Variants in FAM135A observed in about 807,000 individuals in gnomAD.
FAM135A encodes family with sequence similarity 135 member A.
FAM135A carries 79 observed loss-of-function variants against 146.8 expected under a neutral mutation model. The observed-to-expected ratio is 0.54, with a 90% CI of 0.45 to 0.65. The LOEUF (loss-of-function observed/expected upper bound fraction) is 0.65. Among genes scored for constraint, FAM135A ranks in the 30% least tolerant of loss-of-function variants. The pLI is 0.00. For synonymous variants in FAM135A, 562 were observed against 603.6 expected (o/e 0.93, Z 1.01); for missense variants, 1,623 against 1,758.2 (o/e 0.92, Z 1.38).
chr6:70,489,458 A>G (rs1785423414), intron 10 of FAM135A, among the ~76,000 whole-genome samples: 1 of 152,192 alleles, frequency 6.6e-6, no homozygotes, highest in African/African-American at 2.4e-5. Context: ...AGTTAACAAC[A>G]GAGTATTTGT....
chr6:70,446,386 C>T (rs1241422313), intron 4 of FAM135A, among the ~76,000 whole-genome samples: 2 of 152,192 alleles, frequency 1.3e-5, no homozygotes, highest in South Asian at 4.1e-4. Flanking sequence ...TTCAGACCAT[C>T]TGAACATAGT....
intron 12 of FAM135A, among the ~76,000 whole-genome samples, chr6:70,520,312 A>G (rs1298284961): frequency 6.6e-6 from 1 of 152,192 alleles, no homozygotes; most frequent in African/African-American, 2.4e-5. Flanking sequence ...AAGGACGTAA[A>G]AAACATTTGT....
rs547528924 is a variant in FAM135A at position 70,511,781 on chromosome 6, G to T, written c.1029+8990G>T. 2.0e-5 allele frequency among the ~76,000 whole-genome samples: 3 copies of T among 151,910 alleles called. No individual in the cohort carries two copies. The East Asian group carries it at 5.8e-4, about 29-fold the overall frequency. On this transcript the variant is annotated intron_variant, in intron 12 of 21. Transcript: ENST00000418814. Reference sequence around the variant, plus strand: ...AGAATATACTACCCAAAGCTAGATAGTATAGCCTGCTACACACCTAAACTA... The same window carrying T: ...AGAATATACTACCCAAAGCTAGATATTATAGCCTGCTACACACCTAAACTA...
At chr6:70,466,244 C>A (rs940627574) in intron 5 of FAM135A, among the ~76,000 whole-genome samples, 2 of 152,128 alleles carry the variant, frequency 1.3e-5, no homozygotes, top group African/African-American at 4.8e-5. Context: ...AGGTACCCAA[C>A]CTTTCATTTA....
At chr6:70,479,956 C>T (rs897647985) in intron 8 of FAM135A, among the ~76,000 whole-genome samples, 1 of 152,090 alleles carries the variant, frequency 6.6e-6, no homozygotes, top group African/African-American at 2.4e-5. Flanking sequence ...ATTTGAGACT[C>T]CCTTCTTTGC....
chr6:70,463,398 A>C (rs1307205040), intron 5 of FAM135A, among the ~76,000 whole-genome samples: 1 of 150,210 alleles, frequency 6.7e-6, no homozygotes, highest in Non-Finnish European at 1.5e-5. Context: ...CTACAGGCGC[A>C]TGCCACCACA....
chr6:70,524,684 C>T lies in FAM135A; in HGVS notation c.1600C>T (p.Leu534Phe). The change falls in exon 15 of 22, where the codon CTC (leucine) becomes TTC (phenylalanine). Residue 534 changes from leucine to phenylalanine, a missense_variant. By Grantham distance (22) the Leu-to-Phe change is conservative. Coordinates refer to ENST00000418814, the MANE Select transcript of FAM135A (RefSeq NM_001162529.3). Reference protein sequence around the residue: ...KCLKSTASNDLIKCFEGNPSH... With the variant: ...KCLKSTASNDFIKCFEGNPSH... ...TTTGAAAAGTACAGCATCAAATGAT[C>T]TCATTAAATGCTTTGAAGGCAATCC... is the stretch of plus-strand genomic sequence containing the variant. 6.4e-7 allele frequency: 1 copy of T among 1,550,834 alleles called. No individual in the cohort carries two copies. The highest frequency in any genetic ancestry group is 1.2e-5 in the South Asian group (1 of 83,794).
chr6:70,527,621 G>A (rs897631926), intron 15 of FAM135A, among the ~76,000 whole-genome samples: 5 of 152,042 alleles, frequency 3.3e-5, no homozygotes, highest in Non-Finnish European at 5.9e-5. Flanking sequence ...GTGTTCATCA[G>A]GTTCCTCTTC....
At chr6:70,522,225 C>T (rs767357569) in intron 12 of FAM135A, among the ~76,000 whole-genome samples, 1 of 152,156 alleles carries the variant, frequency 6.6e-6, no homozygotes, top group Non-Finnish European at 1.5e-5. Flanking sequence ...CCCATAGCTT[C>T]TCTTCTAAAG....
chr6:70,437,900 TGGC>T (rs1773566519), intron 4 of FAM135A, among the ~76,000 whole-genome samples: 1 of 152,162 alleles, frequency 6.6e-6, no homozygotes, highest in African/African-American at 2.4e-5. Flanking sequence ...GGGAGAATGA[TGGC>T]GGAGGAATTG....
chr6:70,521,622 C>A (rs562210980), intron 12 of FAM135A, among the ~76,000 whole-genome samples: 1 of 152,204 alleles, frequency 6.6e-6, no homozygotes, highest in South Asian at 2.1e-4. Context: ...CATTTAAAAC[C>A]AAAGAATCCT....
chr6:70,442,363 T>C (rs906355514), intron 4 of FAM135A, among the ~76,000 whole-genome samples: 1 of 151,888 alleles, frequency 6.6e-6, no homozygotes, highest in Non-Finnish European at 1.5e-5. Context: ...ACATTAAATT[T>C]ATTTGTTTTA....
At chr6:70,495,611 C>G (rs1787044197) in intron 11 of FAM135A, among the ~76,000 whole-genome samples, 1 of 152,086 alleles carries the variant, frequency 6.6e-6, no homozygotes, top group South Asian at 2.1e-4. Flanking sequence ...CACACACATA[C>G]ACATACACAG....
At chr6:70,510,326 T>C (rs965960724) in intron 12 of FAM135A, among the ~76,000 whole-genome samples, 1 of 152,114 alleles carries the variant, frequency 6.6e-6, no homozygotes, top group Non-Finnish European at 1.5e-5. Flanking sequence ...ATTAACAATT[T>C]TAATGTATAC....
At chr6:70,433,559 T>C (rs528518582) in intron 4 of FAM135A, among the ~76,000 whole-genome samples, 6 of 150,722 alleles carry the variant, frequency 4.0e-5, no homozygotes, top group African/African-American at 1.5e-4. Context: ...TTCTAATGAG[T>C]CTTTAGGTTG....
chr6:70,423,138 C>T (rs1399109975), intron 2 of FAM135A, among the ~76,000 whole-genome samples: 1 of 152,154 alleles, frequency 6.6e-6, no homozygotes, highest in East Asian at 1.9e-4. Context: ...TGCAGAGGCC[C>T]TGAGACAGGA....
chr6:70,536,461 TATGA>T, intron 19 of FAM135A, 50 bp downstream of exon 19: 1 of 1,386,356 alleles, frequency 7.2e-7, no homozygotes, highest in Non-Finnish European at 9.5e-7. Flanking sequence ...GGGAGAAAAA[TATGA>T]ACTTAGTATT....
chr6:70,421,585 CG>C (rs1768866516), intron 2 of FAM135A, among the ~76,000 whole-genome samples: 1 of 152,176 alleles, frequency 6.6e-6, no homozygotes, highest in Non-Finnish European at 1.5e-5. Flanking sequence ...GGGCTTTTCA[CG>C]TAAGTTTCTC....
chr6:70,463,666 A>T (rs1225962000), intron 5 of FAM135A, among the ~76,000 whole-genome samples: 1 of 151,080 alleles, frequency 6.6e-6, no homozygotes, highest in Non-Finnish European at 1.5e-5. Flanking sequence ...ACAGTGCTTT[A>T]AAAAAAAATG....
Sources: allele counts gnomAD v4.1 joint callset (sites outside exome capture counted in the v4.1 genomes callset), GRCh38; gene constraint gnomAD v4.1.1; transcripts MANE v1.5; gene names NCBI Gene and HGNC (gene_info 2026-07-23, HGNC 2026-07-21).